Variants in VOPP1 observed in about 807,000 individuals in gnomAD.
The protein encoded by VOPP1 is VOPP1 WW domain binding protein, also known as WW domain binding protein VOPP1.
In VOPP1, 8 loss-of-function variants were observed where a neutral mutation model predicts 23.5. That is an observed-to-expected ratio of 0.34 (90% CI 0.20 to 0.61). The LOEUF is 0.61. VOPP1 is among the 20% of genes least tolerant of loss of function. The probability of loss-of-function intolerance (pLI) is 0.78; values close to 1 mark genes in which losing one functional copy is unlikely to be tolerated. For synonymous variants in VOPP1, 83 were observed against 97.3 expected (o/e 0.85, Z 0.86); for missense variants, 174 against 238.1 (o/e 0.73, Z 1.77).
chr7:55,568,112 C>T (rs1469409170), intron 1 of VOPP1, among the ~76,000 whole-genome samples: 1 of 136,746 alleles, frequency 7.3e-6, no homozygotes, highest in Admixed American at 7.8e-5. Flanking sequence ...GACAGTCTCA[C>T]TCTGTTGCTC....
chr7:55,441,349 G>A (rs112224700), intron 4 of VOPP1, among the ~76,000 whole-genome samples: 2,651 of 152,306 alleles, frequency 0.017, 84 homozygotes, highest in African/African-American at 0.058. Flanking sequence ...GCATGAGGGC[G>A]TCACAGACAT....
chr7:55,478,479 T>A (rs1265525561), intron 4 of VOPP1, among the ~76,000 whole-genome samples: 1 of 152,008 alleles, frequency 6.6e-6, no homozygotes, highest in African/African-American at 2.4e-5. Context: ...GCACAGAGAA[T>A]AAAGAAGATT....
At chr7:55,474,542 GAAGAA>G (rs1792090261) in intron 4 of VOPP1, among the ~76,000 whole-genome samples, 1 of 152,218 alleles carries the variant, frequency 6.6e-6, no homozygotes. Context: ...CAAGGGCTGA[GAAGAA>G]AAGGCCCTAG....
intron 1 of VOPP1, among the ~76,000 whole-genome samples, chr7:55,563,938 A>G (rs1798068840): frequency 6.6e-6 from 1 of 152,220 alleles, no homozygotes; most frequent in Non-Finnish European, 1.5e-5. Context: ...AAAGCTGCTC[A>G]ATTTGGGAGG....
chr7:55,459,982 T>C (rs1465758552), intron 4 of VOPP1, among the ~76,000 whole-genome samples: 1 of 152,184 alleles, frequency 6.6e-6, no homozygotes, highest in Non-Finnish European at 1.5e-5. Context: ...TATTTCTGCT[T>C]TTGTGATATA....
chr7:55,457,313 C>T lies in VOPP1; in HGVS notation n.418-21139G>A, dbSNP rs368297797. On this transcript the variant is annotated intron_variant and non_coding_transcript_variant, in intron 4 of 4. Coordinates refer to the VOPP1 transcript ENST00000462326. ...TGACGGAATTTCATTTTTTTAATAG[C>T]GAAACAGTATTCCATTGTGTAAGTA... 1.2e-4 allele frequency among the ~76,000 whole-genome samples: 18 copies of T among 152,156 alleles called. No homozygotes were observed. The East Asian group carries it at 3.1e-3, about 26-fold the overall frequency.
chr7:55,440,997 G>A (rs192090843), intron 4 of VOPP1, among the ~76,000 whole-genome samples: 5 of 152,144 alleles, frequency 3.3e-5, no homozygotes, highest in Admixed American at 1.3e-4. Context: ...AAATTTTCTC[G>A]CATGGAATTA....
At chr7:55,447,918 G>A (rs2129000864) in intron 4 of VOPP1, among the ~76,000 whole-genome samples, 1 of 152,046 alleles carries the variant, frequency 6.6e-6, no homozygotes, top group South Asian at 2.1e-4. Flanking sequence ...AATTATATAT[G>A]AACTAAATCA....
intron 4 of VOPP1, among the ~76,000 whole-genome samples, chr7:55,444,944 T>C (rs114806754): frequency 2.0e-3 from 303 of 152,336 alleles, no homozygotes; most frequent in African/African-American, 6.8e-3. Flanking sequence ...GACTGCTTTA[T>C]GTTTAATAGC....
chr7:55,465,526 C>T (rs1483231478), intron 4 of VOPP1, among the ~76,000 whole-genome samples: 2 of 152,214 alleles, frequency 1.3e-5, no homozygotes, highest in African/African-American at 4.8e-5. Flanking sequence ...TACCACAGAC[C>T]GACTCCTCAC....
chr7:55,562,800 C>G (rs1200673227), intron 1 of VOPP1, among the ~76,000 whole-genome samples: 3 of 152,152 alleles, frequency 2.0e-5, no homozygotes, highest in Non-Finnish European at 4.4e-5. Flanking sequence ...GAGAAGAGGG[C>G]TCAGAGGATC....
At chr7:55,537,762 C>T in intron 1 of VOPP1, 1 of 1,348,966 alleles carries the variant, frequency 7.4e-7, no homozygotes, top group Non-Finnish European at 9.6e-7. Flanking sequence ...AGGTCCGGCC[C>T]CCAGGCCCAG....
At chr7:55,445,254 CACACACACAGACATACACACACAG>C (rs1435451738) in intron 4 of VOPP1, among the ~76,000 whole-genome samples, 1 of 121,272 alleles carries the variant, frequency 8.2e-6, no homozygotes, top group Non-Finnish European at 1.8e-5. Flanking sequence ...GACACACACA[CACACACACAGACATACACACACAG>C]ACACACACAC....
intron 1 of VOPP1, chr7:55,562,070 G>A (rs1315836685): frequency 1.4e-6 from 1 of 703,104 alleles, no homozygotes; most frequent in South Asian, 1.5e-5. Context: ...AAATAAAGAT[G>A]ACTAGGCTCC....
chr7:55,520,305 A>G (rs1442261655), intron 2 of VOPP1, among the ~76,000 whole-genome samples: 2 of 152,190 alleles, frequency 1.3e-5, no homozygotes, highest in African/African-American at 2.4e-5. Context: ...ACAAAATTCA[A>G]TACTAAAAAT....
intron 1 of VOPP1, among the ~76,000 whole-genome samples, chr7:55,530,643 A>G (rs1297150046): frequency 6.6e-6 from 1 of 152,114 alleles, no homozygotes; most frequent in East Asian, 1.9e-4. Context: ...ATCATAATCC[A>G]CGACCCACCC....
At chr7:55,491,897 T>G (rs1164908080) in intron 4 of VOPP1, among the ~76,000 whole-genome samples, 20 of 152,252 alleles carry the variant, frequency 1.3e-4, no homozygotes, top group Non-Finnish European at 5.9e-5. Context: ...TCTAAGCAAA[T>G]TACCATTTAG....
intron 1 of VOPP1, among the ~76,000 whole-genome samples, chr7:55,529,435 C>A (rs1372214349): frequency 6.6e-6 from 1 of 150,898 alleles, no homozygotes; most frequent in African/African-American, 2.4e-5. Flanking sequence ...CAAGACCCAA[C>A]ACACATGTGC....
intron 2 of VOPP1, among the ~76,000 whole-genome samples, chr7:55,517,080 C>T (rs1384499322): frequency 1.3e-5 from 2 of 149,598 alleles, no homozygotes; most frequent in Admixed American, 1.3e-4. Flanking sequence ...GCTGGGACTA[C>T]AGGCTTGTGC....
Sources: gnomAD v4.1 joint callset for allele counts (sites outside exome capture counted in the v4.1 genomes callset) on GRCh38, gnomAD v4.1.1 for gene constraint, MANE v1.5 for transcripts, NCBI Gene and HGNC (gene_info 2026-07-23, HGNC 2026-07-21) for gene names.